Variants in CFAP95 observed in about 807,000 individuals in gnomAD.
The protein encoded by CFAP95 is cilia and flagella associated protein 95.
chr9:69,842,938 T>C, the CFAP95 span, among the ~76,000 whole-genome samples: 1 of 151,644 alleles, frequency 6.6e-6, no homozygotes, highest in African/African-American at 2.4e-5. Flanking sequence ...GAGGCAGGAG[T>C]GTTAATGGGA....
chr9:69,846,508 A>G, the CFAP95 span, among the ~76,000 whole-genome samples: 2 of 152,208 alleles, frequency 1.3e-5, no homozygotes, highest in Non-Finnish European at 2.9e-5. Flanking sequence ...ATTTTTCCCT[A>G]TAGACTTTCT....
chr9:69,840,920 G>A, the CFAP95 span, among the ~76,000 whole-genome samples: 1 of 151,520 alleles, frequency 6.6e-6, no homozygotes, highest in African/African-American at 2.4e-5. Context: ...ATGGATTCAT[G>A]GTTTTAATGC....
chr9:69,860,046 A>C, the CFAP95 span, among the ~76,000 whole-genome samples: 1 of 152,210 alleles, frequency 6.6e-6, no homozygotes. Context: ...GAGTCTATGA[A>C]TGTGAAGGCC....
the CFAP95 span, among the ~76,000 whole-genome samples, chr9:69,857,646 T>G: frequency 2.0e-5 from 3 of 152,164 alleles, no homozygotes; most frequent in Non-Finnish European, 2.9e-5. Context: ...TGCCTCAGCC[T>G]CCCGAGTAGC....
chr9:69,869,292 C>T, the CFAP95 span, among the ~76,000 whole-genome samples: 5 of 152,110 alleles, frequency 3.3e-5, no homozygotes, highest in Non-Finnish European at 7.4e-5. Flanking sequence ...GAAGAAAATC[C>T]TGCAATTTGT....
chr9:69,821,545 C>T, the CFAP95 span, among the ~76,000 whole-genome samples: 1 of 152,172 alleles, frequency 6.6e-6, no homozygotes. Context: ...AGGGGCACAG[C>T]AGGAGGGAGA....
the CFAP95 span, among the ~76,000 whole-genome samples, chr9:69,887,998 CTGTT>C: frequency 6.6e-6 from 1 of 152,174 alleles, no homozygotes; most frequent in Non-Finnish European, 1.5e-5. Context: ...AAGCCATTAT[CTGTT>C]TGTTTTAAAA....
chr9:69,867,766 G>A, the CFAP95 span, among the ~76,000 whole-genome samples: 1 of 152,194 alleles, frequency 6.6e-6, no homozygotes, highest in Non-Finnish European at 1.5e-5. Context: ...CCACATGGAG[G>A]AGAATCAAGG....
At chr9:69,868,622 C>T in the CFAP95 span, among the ~76,000 whole-genome samples, 1 of 146,288 alleles carries the variant, frequency 6.8e-6, no homozygotes, top group East Asian at 2.0e-4. Context: ...CATGCCATTG[C>T]ACTCCAGCCT....
At chr9:69,824,986 A>G in the CFAP95 span, among the ~76,000 whole-genome samples, 3 of 152,218 alleles carry the variant, frequency 2.0e-5, no homozygotes, top group Non-Finnish European at 4.4e-5. Context: ...GTATCCAACC[A>G]GTCACCAAGA....
the CFAP95 span, among the ~76,000 whole-genome samples, chr9:69,878,714 C>G: frequency 6.6e-6 from 1 of 152,296 alleles, no homozygotes; most frequent in South Asian, 2.1e-4. Flanking sequence ...TGATTCTGGT[C>G]TATTTTTGTC....
chr9:69,882,087 A>G, the CFAP95 span, among the ~76,000 whole-genome samples: 18 of 152,142 alleles, frequency 1.2e-4, no homozygotes, highest in African/African-American at 4.3e-4. Flanking sequence ...AGTTCAAGCA[A>G]TTCTCCTGCC....
At chr9:69,839,644 T>A in the CFAP95 span, among the ~76,000 whole-genome samples, 1 of 147,522 alleles carries the variant, frequency 6.8e-6, no homozygotes, top group South Asian at 2.2e-4. Context: ...GCCAGGCTGG[T>A]CTGAATTCCT....
the CFAP95 span, among the ~76,000 whole-genome samples, chr9:69,843,045 T>C: frequency 9.1e-4 from 139 of 152,220 alleles, 1 homozygote; most frequent in Non-Finnish European, 1.5e-3. Flanking sequence ...GGGAAGCAAT[T>C]CTTCTTACCT....
At chr9:69,847,716 C>T in the CFAP95 span, among the ~76,000 whole-genome samples, 1 of 152,152 alleles carries the variant, frequency 6.6e-6, no homozygotes, top group Non-Finnish European at 1.5e-5. Flanking sequence ...CTTCTGAATG[C>T]CTTCTTAACA....
the CFAP95 span, among the ~76,000 whole-genome samples, chr9:69,875,056 T>G: frequency 6.6e-6 from 1 of 152,236 alleles, no homozygotes; most frequent in Non-Finnish European, 1.5e-5. Flanking sequence ...GCATTTCTCT[T>G]AATGGACTTG....
the CFAP95 span, among the ~76,000 whole-genome samples, chr9:69,833,391 G>A: frequency 8.6e-5 from 13 of 152,020 alleles, no homozygotes; most frequent in Admixed American, 2.0e-4. Context: ...TAGTAGATAC[G>A]GGGTTTCGCC....
the CFAP95 span, chr9:69,905,810 T>G: frequency 1.1e-5 from 6 of 569,644 alleles, no homozygotes; most frequent in East Asian, 1.4e-4. Context: ...AACTGAAACA[T>G]TTGCTATTTG....
chr9:69,865,992 ACT>A, the CFAP95 span, among the ~76,000 whole-genome samples: 1 of 152,062 alleles, frequency 6.6e-6, no homozygotes, highest in Non-Finnish European at 1.5e-5. Context: ...ACATGTCCAA[ACT>A]CTCACAGCTG....
Sources: gnomAD v4.1 joint callset for allele counts (sites outside exome capture counted in the v4.1 genomes callset) on GRCh38, gnomAD v4.1.1 for gene constraint, MANE v1.5 for transcripts, NCBI Gene and HGNC (gene_info 2026-07-23, HGNC 2026-07-21) for gene names.